MTUS2: variants seen among roughly 807,000 people sequenced by gnomAD.
The protein encoded by MTUS2 is microtubule associated scaffold protein 2.
Under a neutral mutation model 114.1 loss-of-function variants are expected in MTUS2, and 40 were observed. The ratio of observed to expected loss-of-function variants is 0.35; its 90% CI spans 0.27 to 0.46. The LOEUF (loss-of-function observed/expected upper bound fraction) is 0.46, where lower values mean the gene tolerates loss of function less well. Ranked by LOEUF, MTUS2 falls within the 20% of genes least tolerant of loss-of-function variation. The pLI, the probability that MTUS2 is intolerant of heterozygous loss-of-function variation, is 1.00. For synonymous variants in MTUS2, 688 were observed against 672.0 expected, an observed-to-expected ratio of 1.02 and a Z score of -0.37; for missense variants, 1,679 against 1,705.4, an observed-to-expected ratio of 0.98 and a Z score of 0.27.
chr13:29,155,764 TAG>T (rs1892833466), intron 5 of MTUS2, among the ~76,000 whole-genome samples: 2 of 152,172 alleles, frequency 1.3e-5, no homozygotes, highest in South Asian at 4.1e-4. Context: ...ATTACAGTCA[TAG>T]AGATATGTAT....
chr13:29,491,207 T>G (rs1882049115), intron 11 of MTUS2, among the ~76,000 whole-genome samples: 1 of 24,290 alleles, frequency 4.1e-5, no homozygotes, highest in African/African-American at 6.3e-5. Context: ...GGTGGGGGTG[T>G]GGGTATGTTA....
chr13:28,966,832 T>C (rs954447102), intron 2 of MTUS2, among the ~76,000 whole-genome samples: 20 of 149,750 alleles, frequency 1.3e-4, no homozygotes, highest in Admixed American at 1.2e-3. Context: ...TCCATGAAAA[T>C]AATACCCATT....
At chr13:29,198,438 T>G (rs939984405) in intron 5 of MTUS2, among the ~76,000 whole-genome samples, 6 of 152,354 alleles carry the variant, frequency 3.9e-5, no homozygotes, top group Admixed American at 3.9e-4. Context: ...TATGTCTGTT[T>G]TGATACCAGT....
intron 8 of MTUS2, chr13:29,428,795 G>A (rs751286617): frequency 6.2e-7 from 1 of 1,612,520 alleles, no homozygotes; most frequent in Non-Finnish European, 8.5e-7. Flanking sequence ...GGAGTTGCCC[G>A]CTGACACCTT....
intron 5 of MTUS2, among the ~76,000 whole-genome samples, chr13:29,199,516 A>T (rs1490997899): frequency 1.3e-5 from 2 of 152,204 alleles, no homozygotes; most frequent in Admixed American, 6.5e-5. Flanking sequence ...ATGTTGAACC[A>T]GCCTTGCATC....
At chr13:29,491,522 ATGTGTGTGGTATGTGTGGGGGTG>A (rs1882082690) in intron 11 of MTUS2, among the ~76,000 whole-genome samples, 1 of 97,412 alleles carries the variant, frequency 1.0e-5, no homozygotes. Flanking sequence ...GGGAGGCATG[ATGTGTGTGGTATGTGTGGGGGTG>A]TGTGTGTGGT....
At chr13:29,135,795 A>G (rs144115720) in intron 5 of MTUS2, among the ~76,000 whole-genome samples, 29 of 152,360 alleles carry the variant, frequency 1.9e-4, no homozygotes, top group African/African-American at 7.0e-4. Context: ...TCAATAACAT[A>G]CAAAATCTCT....
At chr13:29,422,752 C>T (rs1190375905) in intron 8 of MTUS2, among the ~76,000 whole-genome samples, 1 of 145,252 alleles carries the variant, frequency 6.9e-6, no homozygotes, top group East Asian at 2.1e-4. Flanking sequence ...CAACCTCTGC[C>T]TCCTGGGTTC....
At chr13:29,008,477 A>G (rs573851676) in intron 2 of MTUS2, among the ~76,000 whole-genome samples, 1 of 152,312 alleles carries the variant, frequency 6.6e-6, no homozygotes, top group African/African-American at 2.4e-5. Flanking sequence ...CTTTTGGTTC[A>G]TCTGTCCTGG....
chr13:29,456,724 G>A (rs1446658250), intron 9 of MTUS2, among the ~76,000 whole-genome samples: 5 of 150,850 alleles, frequency 3.3e-5, no homozygotes, highest in Non-Finnish European at 7.4e-5. Context: ...AGTGATGAAA[G>A]AAAGAAAAAA....
intron 2 of MTUS2, among the ~76,000 whole-genome samples, chr13:28,956,793 C>G (rs1212151570): frequency 6.6e-6 from 1 of 151,218 alleles, no homozygotes; most frequent in African/African-American, 2.4e-5. Flanking sequence ...GAAGGCTGCC[C>G]TAGAGATGGG....
intron 6 of MTUS2, among the ~76,000 whole-genome samples, chr13:29,286,019 G>A (rs1047945624): frequency 2.0e-5 from 3 of 152,126 alleles, no homozygotes; most frequent in African/African-American, 7.2e-5. Flanking sequence ...TCCACCTTCT[G>A]CTTTCAAGTG....
chr13:28,988,038 G>C (rs1007443334), intron 2 of MTUS2, among the ~76,000 whole-genome samples: 2 of 152,162 alleles, frequency 1.3e-5, no homozygotes, highest in East Asian at 1.9e-4. Context: ...GTCTGGAGGA[G>C]GGACCCAGGT....
At chr13:29,205,351 A>T (rs9508315) in intron 5 of MTUS2, among the ~76,000 whole-genome samples, 82,060 of 152,038 alleles carry the variant, frequency 0.54, 22,444 homozygotes, top group Non-Finnish European at 0.56. Flanking sequence ...TCATACATCC[A>T]TGAATAGATT....
At position 29,027,700 on chromosome 13, in the gene MTUS2, C is replaced by T. The variant is rs552192838; in HGVS notation, c.2205+797C>T. 9.9e-5 allele frequency among the ~76,000 whole-genome samples: 15 copies of T among 152,226 alleles called. No homozygotes were observed. In the East Asian group the frequency reaches 2.1e-3, roughly 22 times the overall value. Reference sequence around the variant, plus strand: ...CCTAGTACCTGGGACTACAGGCGCCCGCCACCGCGCCTGGCTACTTTTTTG... The same window carrying T: ...CCTAGTACCTGGGACTACAGGCGCCTGCCACCGCGCCTGGCTACTTTTTTG... On this transcript the variant is annotated intron_variant, in intron 3 of 15. Transcript: ENST00000612955.
At chr13:28,871,723 G>T (rs867136558) in intron 2 of MTUS2, among the ~76,000 whole-genome samples, 2 of 152,194 alleles carry the variant, frequency 1.3e-5, no homozygotes, top group Admixed American at 6.5e-5. Flanking sequence ...AGAAAGTACA[G>T]CAGGATAAGG....
intron 2 of MTUS2, among the ~76,000 whole-genome samples, chr13:28,939,282 A>C (rs1319296524): frequency 6.6e-6 from 1 of 152,218 alleles, no homozygotes; most frequent in African/African-American, 2.4e-5. Context: ...GTATCTTTAC[A>C]GCCACTGCAG....
At chr13:29,111,762 T>C (rs1593488339) in intron 5 of MTUS2, among the ~76,000 whole-genome samples, 1 of 151,948 alleles carries the variant, frequency 6.6e-6, no homozygotes, top group Admixed American at 6.5e-5. Flanking sequence ...AGCGAAGAGA[T>C]TGATATATTT....
At chr13:29,005,316 C>T (rs1158413292) in intron 2 of MTUS2, among the ~76,000 whole-genome samples, 1 of 152,122 alleles carries the variant, frequency 6.6e-6, no homozygotes, top group Non-Finnish European at 1.5e-5. Context: ...AGTGCTGGCC[C>T]AGCAGCTGGA....
Sources: allele counts gnomAD v4.1 joint callset (sites outside exome capture counted in the v4.1 genomes callset), GRCh38; gene constraint gnomAD v4.1.1; transcripts MANE v1.5; gene names NCBI Gene and HGNC (gene_info 2026-07-23, HGNC 2026-07-21).